The following HDAC9 variants were observed in gnomAD, a reference collection of about 807,000 sequenced individuals.
The protein encoded by HDAC9 is histone deacetylase 9, also known as MEF-2 interacting transcription repressor (MITR) protein.
A neutral mutation model predicts 139.4 loss-of-function variants in HDAC9; 41 were observed. That is an observed-to-expected ratio of 0.29 (90% CI 0.23 to 0.38). HDAC9 has a LOEUF of 0.38. HDAC9 is among the 10% of genes least tolerant of loss of function. The pLI is 1.00. For synonymous variants in HDAC9, 517 were observed against 476.2 expected, an observed-to-expected ratio of 1.09 and a Z score of -1.12; for missense variants, 1,147 against 1,297.0, an observed-to-expected ratio of 0.88 and a Z score of 1.78.
chr7:18,269,777 C>G (rs1212774031), intron 2 of HDAC9, among the ~76,000 whole-genome samples: 2 of 151,990 alleles, frequency 1.3e-5, no homozygotes, highest in East Asian at 3.9e-4. Context: ...TATACACACA[C>G]ATATATATGC....
chr7:18,499,756 ATC>A (rs954856264), intron 2 of HDAC9, among the ~76,000 whole-genome samples: 94 of 152,316 alleles, frequency 6.2e-4, no homozygotes, highest in African/African-American at 2.1e-3. Context: ...TATTTTGGCC[ATC>A]TATTCTTACT....
At chr7:18,347,135 C>T (rs931712973) in intron 1 of HDAC9, among the ~76,000 whole-genome samples, 1 of 152,136 alleles carries the variant, frequency 6.6e-6, no homozygotes, top group African/African-American at 2.4e-5. Context: ...AAATAAAATT[C>T]ACCGTATTAA....
At chr7:18,809,892 C>G (rs1439041332) in intron 17 of HDAC9, among the ~76,000 whole-genome samples, 3 of 151,948 alleles carry the variant, frequency 2.0e-5, no homozygotes, top group Non-Finnish European at 4.4e-5. Flanking sequence ...GAATTGAAAT[C>G]AGGATCTTCA....
intron 1 of HDAC9, among the ~76,000 whole-genome samples, chr7:18,332,397 G>T (rs1800997052): frequency 6.7e-6 from 1 of 150,228 alleles, no homozygotes; most frequent in Non-Finnish European, 1.5e-5. Context: ...GTGTGTGAGA[G>T]AGAGAGAGAG....
chr7:18,969,249 G>C (rs1368490994), intron 24 of HDAC9, among the ~76,000 whole-genome samples: 1 of 152,104 alleles, frequency 6.6e-6, no homozygotes, highest in East Asian at 1.9e-4. Context: ...TGCATTAGCC[G>C]GAGTGGAGAG....
chr7:18,707,187 T>C (rs546309003), intron 12 of HDAC9, among the ~76,000 whole-genome samples: 1 of 152,292 alleles, frequency 6.6e-6, no homozygotes, highest in East Asian at 1.9e-4. Context: ...AAGGAGACTG[T>C]TTCAAGAAGG....
At chr7:18,910,675 C>T (rs182383806) in intron 22 of HDAC9, among the ~76,000 whole-genome samples, 174 of 151,868 alleles carry the variant, frequency 1.1e-3, no homozygotes, top group African/African-American at 3.6e-3. Context: ...CAGTTGGCTG[C>T]GGGTTCAAAT....
intron 16 of HDAC9, among the ~76,000 whole-genome samples, chr7:18,770,910 T>C (rs1319594511): frequency 6.6e-6 from 1 of 152,152 alleles, no homozygotes; most frequent in Non-Finnish European, 1.5e-5. Context: ...GATATGATTT[T>C]ATATAAGTTT....
intron 2 of HDAC9, among the ~76,000 whole-genome samples, chr7:18,235,537 T>C (rs1793759271): frequency 6.6e-6 from 1 of 152,182 alleles, no homozygotes; most frequent in African/African-American, 2.4e-5. Flanking sequence ...TTAGAAGTAT[T>C]AGTGAGTATT....
chr7:18,438,293 G>T (rs1423227854), intron 1 of HDAC9, among the ~76,000 whole-genome samples: 4 of 151,908 alleles, frequency 2.6e-5, no homozygotes, highest in Admixed American at 2.6e-4. Context: ...TTCACTCTGA[G>T]GATTGATAAA....
chr7:18,551,059 G>C (rs1445280291), intron 2 of HDAC9, among the ~76,000 whole-genome samples: 1 of 152,166 alleles, frequency 6.6e-6, no homozygotes, highest in Non-Finnish European at 1.5e-5. Flanking sequence ...AGGATATTTT[G>C]AAGATAGAGT....
chr7:18,623,896 G>T (rs926505100), intron 6 of HDAC9, among the ~76,000 whole-genome samples: 1 of 152,104 alleles, frequency 6.6e-6, no homozygotes, highest in Non-Finnish European at 1.5e-5. Flanking sequence ...CCAAGATCAC[G>T]GCACTGCATT....
intron 12 of HDAC9, among the ~76,000 whole-genome samples, chr7:18,680,499 A>G (rs1017877629): frequency 2.0e-5 from 3 of 151,926 alleles, no homozygotes; most frequent in Non-Finnish European, 2.9e-5. Context: ...TTTAATTACC[A>G]TGGACTTTTA....
intron 2 of HDAC9, among the ~76,000 whole-genome samples, chr7:18,171,107 C>CA (rs1430553926): frequency 2.6e-5 from 4 of 152,136 alleles, no homozygotes; most frequent in African/African-American, 9.7e-5. Context: ...TTGTTTGTAT[C>CA]CTCTTTTATT....
chr7:18,650,752 C>T (rs891828894), intron 11 of HDAC9, among the ~76,000 whole-genome samples: 11 of 152,126 alleles, frequency 7.2e-5, no homozygotes, highest in African/African-American at 2.7e-4. Context: ...CATGTTTGTA[C>T]AGTGGTTTGA....
intron 12 of HDAC9, among the ~76,000 whole-genome samples, chr7:18,677,003 T>C (rs1781559600): frequency 6.6e-6 from 1 of 151,934 alleles, no homozygotes; most frequent in African/African-American, 2.4e-5. Context: ...ATAATATCCA[T>C]ACAAACTCCA....
intron 1 of HDAC9, among the ~76,000 whole-genome samples, chr7:18,406,006 A>G (rs892332307): frequency 6.6e-6 from 1 of 152,200 alleles, no homozygotes; most frequent in Non-Finnish European, 1.5e-5. Flanking sequence ...GTTATCACAC[A>G]AACAGTTAGT....
chr7:18,625,710 C>T (rs1228547947), intron 6 of HDAC9, among the ~76,000 whole-genome samples: 4 of 151,894 alleles, frequency 2.6e-5, no homozygotes, highest in South Asian at 2.1e-4. Flanking sequence ...TTTGGGAGGC[C>T]GAGGCGAGTG....
At position 18,968,057 on chromosome 7, in the gene HDAC9, G is replaced by T. The variant is rs1361550466; in HGVS notation, c.3023-7749G>T. On this transcript the variant is annotated intron_variant, in intron 24 of 25. Coordinates refer to ENST00000686413, the MANE Select transcript of HDAC9 (RefSeq NM_178425.4). Reference sequence around the variant, plus strand: ...TATGCCCGTAATCCCAGCTTCTCGGGAGGCCGAGGCAAGAGAATCGCTTGA... The same window carrying T: ...TATGCCCGTAATCCCAGCTTCTCGGTAGGCCGAGGCAAGAGAATCGCTTGA... Among the ~76,000 whole-genome samples, 5 of 152,132 alleles carry T rather than the reference G, an allele frequency of 3.3e-5. No homozygotes were observed. The East Asian group carries it at 9.7e-4, about 29-fold the overall frequency.
Sources: allele counts gnomAD v4.1 joint callset (sites outside exome capture counted in the v4.1 genomes callset), GRCh38; gene constraint gnomAD v4.1.1; transcripts MANE v1.5; gene names NCBI Gene and HGNC (gene_info 2026-07-23, HGNC 2026-07-21).